DCC: variants seen among roughly 807,000 people sequenced by gnomAD.
DCC encodes the protein DCC netrin 1 receptor.
A neutral mutation model predicts 172.5 loss-of-function variants in DCC; 58 were observed. That is an observed-to-expected ratio of 0.34 (90% confidence interval 0.27 to 0.42). DCC has a LOEUF of 0.42. DCC is among the 10% of genes least tolerant of loss of function. The pLI is 1.00. For synonymous variants in DCC, 709 were observed against 644.5 expected, an observed-to-expected ratio of 1.10 and a Z score of -1.52; for missense variants, 1,740 against 1,791.0, an observed-to-expected ratio of 0.97 and a Z score of 0.51.
intron 1 of DCC, among the ~76,000 whole-genome samples, chr18:52,544,493 G>C (rs779034022): frequency 6.8e-6 from 1 of 148,044 alleles, no homozygotes; most frequent in Non-Finnish European, 1.5e-5. Context: ...CTTCCCTGCT[G>C]TCTGCTTCCT....
intron 9 of DCC, among the ~76,000 whole-genome samples, chr18:53,192,273 A>G (rs531176243): frequency 6.6e-6 from 1 of 152,268 alleles, no homozygotes; most frequent in South Asian, 2.1e-4. Context: ...TCAAGGTCAG[A>G]TGTGTACCTG....
chr18:53,153,030 CCTCCTCTCTGGCA>C (rs1242296418), intron 7 of DCC, among the ~76,000 whole-genome samples: 3 of 152,128 alleles, frequency 2.0e-5, no homozygotes, highest in Non-Finnish European at 4.4e-5. Context: ...TGCCCCTTGC[CCTCCTCTCTGGCA>C]CTCCCTGGGT....
intron 5 of DCC, among the ~76,000 whole-genome samples, chr18:53,058,731 C>T (rs1037495988): frequency 4.6e-5 from 7 of 152,042 alleles, no homozygotes; most frequent in African/African-American, 1.7e-4. Context: ...CCTGATAGAG[C>T]CACTTCCACT....
At position 52,900,485 on chromosome 18, in the gene DCC, A is replaced by G. The variant is rs1310182949; in HGVS notation, c.413-5559A>G. ...AGCACCCAATGCTTACTGTACAACT[A>G]TAATTAGAATTGTTGACATCAATAT... On this transcript the variant is annotated intron_variant, in intron 2 of 28. Coordinates refer to ENST00000442544, the MANE Select transcript of DCC (RefSeq NM_005215.4). Among the ~76,000 whole-genome samples, 4 of 152,198 alleles carry G rather than the reference A, an allele frequency of 2.6e-5. No individual in the cohort carries two copies. The South Asian group carries it at 6.2e-4, about 24-fold the overall frequency.
rs534365337 is a variant in DCC at position 53,532,196 on chromosome 18, C to G, written c.*1543C>G. ...TGAGTAGGTCATAATTTTAAAAGAG[C>G]ATGGAAGGGATAGGATCTTTACAAC... On this transcript the variant is annotated 3_prime_UTR_variant, in exon 29 of 29. Coordinates refer to ENST00000442544, the MANE Select transcript of DCC (RefSeq NM_005215.4). 1 of 152,248 alleles carries G rather than the reference C, an allele frequency of 6.6e-6. No individual in the cohort carries two copies. Among genetic ancestry groups the G allele is most frequent in the South Asian group, 2.1e-4 (1 of 4,830 alleles). 9.4% of individuals were successfully genotyped at this position (152,248 alleles called of 1,614,324 possible).
At chr18:53,102,275 TTAAAGA>T (rs1421812673) in intron 7 of DCC, among the ~76,000 whole-genome samples, 1 of 152,186 alleles carries the variant, frequency 6.6e-6, no homozygotes, top group African/African-American at 2.4e-5. Flanking sequence ...CTTCATTTTG[TTAAAGA>T]TAAAATGTTC....
chr18:53,519,204 C>A (rs1008193468), intron 27 of DCC, among the ~76,000 whole-genome samples: 6 of 152,206 alleles, frequency 3.9e-5, no homozygotes, highest in Admixed American at 1.3e-4. Context: ...TATAGACATA[C>A]AGACCCCAAA....
intron 1 of DCC, among the ~76,000 whole-genome samples, chr18:52,349,648 G>A (rs899053981): frequency 1.3e-5 from 2 of 152,104 alleles, no homozygotes; most frequent in African/African-American, 4.8e-5. Context: ...TGTTCTAAAT[G>A]TTCTTTCCAT....
intron 1 of DCC, among the ~76,000 whole-genome samples, chr18:52,727,686 C>A (rs117810627): frequency 0.027 from 4,076 of 151,860 alleles, 94 homozygotes; most frequent in South Asian, 0.06. Flanking sequence ...GAAAATGATA[C>A]CTGGAAATTG....
At chr18:53,047,965 TATA>T (rs1253679175) in intron 5 of DCC, among the ~76,000 whole-genome samples, 1 of 151,612 alleles carries the variant, frequency 6.6e-6, no homozygotes, top group Non-Finnish European at 1.5e-5. Context: ...TTTTTAATGT[TATA>T]ATAATATGCC....
At chr18:52,771,188 C>T (rs2037336519) in intron 2 of DCC, among the ~76,000 whole-genome samples, 1 of 152,130 alleles carries the variant, frequency 6.6e-6, no homozygotes, top group Non-Finnish European at 1.5e-5. Context: ...GTGCTTGAGC[C>T]CAGATGCACG....
At chr18:52,734,803 T>C (rs970558683) in intron 1 of DCC, among the ~76,000 whole-genome samples, 2 of 152,176 alleles carry the variant, frequency 1.3e-5, no homozygotes, top group Non-Finnish European at 2.9e-5. Flanking sequence ...ATCTATTATG[T>C]ATTCAGCACT....
At chr18:53,318,658 G>A (rs2057371588) in intron 13 of DCC, among the ~76,000 whole-genome samples, 1 of 151,914 alleles carries the variant, frequency 6.6e-6, no homozygotes, top group African/African-American at 2.4e-5. Flanking sequence ...TATGAATCTG[G>A]GTGCTCCTGT....
chr18:53,240,937 A>G (rs775846827), intron 12 of DCC, among the ~76,000 whole-genome samples: 1 of 152,136 alleles, frequency 6.6e-6, no homozygotes, highest in Non-Finnish European at 1.5e-5. Context: ...AAATGCATAG[A>G]AGTATTGTTA....
chr18:53,034,464 C>T (rs1387526182), intron 5 of DCC, among the ~76,000 whole-genome samples: 1 of 152,058 alleles, frequency 6.6e-6, no homozygotes, highest in Non-Finnish European at 1.5e-5. Context: ...CAATTTACCT[C>T]TAGTCCATCT....
At chr18:52,530,120 T>C (rs1450302651) in intron 1 of DCC, among the ~76,000 whole-genome samples, 1 of 152,222 alleles carries the variant, frequency 6.6e-6, no homozygotes, top group East Asian at 1.9e-4. Context: ...ATATAGTATG[T>C]GTTCAAGCAC....
In DCC at chr18:53,083,191, T is replaced by C. The variant is rs111795028; in HGVS notation, c.1261+17025T>C. ...TTCTTTGTTTTTCGATTGTTCCAAA[T>C]AGGAGTGACAATTGGTGTGCTAGAG... On this transcript the variant is annotated intron_variant, in intron 7 of 28. Transcript: ENST00000442544. Among the ~76,000 whole-genome samples the C allele has an allele frequency of 9.2e-3, 1,393 of 152,220 alleles. 23 individuals are homozygous for C. The highest frequency in any genetic ancestry group is 0.031 in the African/African-American group (1,305 of 41,556).
chr18:52,837,587 G>T (rs986709118), intron 2 of DCC, among the ~76,000 whole-genome samples: 1 of 152,032 alleles, frequency 6.6e-6, no homozygotes, highest in Admixed American at 6.6e-5. Context: ...GACTTCATTG[G>T]TCCCTATCAC....
At chr18:53,238,532 C>A (rs1598935561) in intron 12 of DCC, among the ~76,000 whole-genome samples, 1 of 152,166 alleles carries the variant, frequency 6.6e-6, no homozygotes, top group East Asian at 1.9e-4. Flanking sequence ...TTCAGGGGTC[C>A]CTTTTTCTTA....
Sources: allele counts gnomAD v4.1 joint callset (sites outside exome capture counted in the v4.1 genomes callset), GRCh38; gene constraint gnomAD v4.1.1; transcripts MANE v1.5; gene names NCBI Gene and HGNC (gene_info 2026-07-23, HGNC 2026-07-21).